KIF21A: variants seen among roughly 807,000 people sequenced by gnomAD.
The protein encoded by KIF21A is kinesin-like protein KIF21A.
A neutral mutation model predicts 202.9 loss-of-function variants in KIF21A; 114 were observed. That is an observed-to-expected ratio of 0.56 (90% CI 0.48 to 0.66). KIF21A has a LOEUF of 0.66. Among genes scored for constraint, KIF21A ranks in the 30% least tolerant of loss-of-function variants. The pLI is 0.00. For synonymous variants in KIF21A, 667 were observed against 670.8 expected (o/e 0.99, Z 0.09); for missense variants, 1,677 against 1,994.9 (o/e 0.84, Z 3.04).
At chr12:39,322,924 T>C (rs1302127355) in intron 26 of KIF21A, 42 bp from the exon 27 acceptor site, 1 of 1,314,960 alleles carries the variant, frequency 7.6e-7, no homozygotes, top group Non-Finnish European at 1.0e-6. Flanking sequence ...GAGCAAACTC[T>C]TGCATAGAAG....
At chr12:39,352,199 C>T (rs1388611525) in intron 10 of KIF21A, among the ~76,000 whole-genome samples, 1 of 152,006 alleles carries the variant, frequency 6.6e-6, no homozygotes, top group Non-Finnish European at 1.5e-5. Context: ...CCCCTCAGCC[C>T]CTCTACCTCA....
chr12:39,321,410 A>C (rs1221481498), intron 27 of KIF21A: 2 of 152,246 alleles, frequency 1.3e-5, no homozygotes, highest in Non-Finnish European at 2.9e-5. Flanking sequence ...CTCATCTGAC[A>C]GACTAAATAC....
intron 37 of KIF21A, among the ~76,000 whole-genome samples, chr12:39,295,413 T>G (rs1335066110): frequency 6.6e-6 from 1 of 152,144 alleles, no homozygotes; most frequent in African/African-American, 2.4e-5. Context: ...TCCATGGAAT[T>G]TAATAGTTAA....
At position 39,294,370 on chromosome 12, in the gene KIF21A, A is replaced by G. The variant is rs1223920492; in HGVS notation, c.*54T>C. Reference sequence around the variant, plus strand: ...TAAGTACAGGACAACATTTTCCATAAAGAATACAGAGTATTATCACAGCAT... The same window carrying G: ...TAAGTACAGGACAACATTTTCCATAGAGAATACAGAGTATTATCACAGCAT... On this transcript the variant is annotated 3_prime_UTR_variant, in exon 38 of 38. Transcript: ENST00000361418. 7 of 1,330,404 alleles carry G rather than the reference A, an allele frequency of 5.3e-6. No homozygotes were observed. In the Admixed American group the frequency reaches 1.2e-4, roughly 22 times the overall value. 82.4% of individuals were successfully genotyped at this position (1,330,404 alleles called of 1,614,324 possible). A position where few individuals can be genotyped will look rare whatever the true frequency, so the allele number is the denominator to read the frequency against.
At chr12:39,312,405 T>G (rs112103712) in intron 31 of KIF21A, 15,145 of 151,876 alleles carry the variant, frequency 0.1, 763 homozygotes, top group East Asian at 0.14. Context: ...GAGGTGGGGA[T>G]GTTTAATGGG....
intron 1 of KIF21A, among the ~76,000 whole-genome samples, chr12:39,419,482 T>A (rs1033023692): frequency 6.6e-6 from 1 of 152,214 alleles, no homozygotes; most frequent in Non-Finnish European, 1.5e-5. Context: ...TGACCAGTAA[T>A]GTTTACTATG....
At position 39,311,384 on chromosome 12, in the gene KIF21A, T is replaced by C. The variant is rs759782299; in HGVS notation, c.4096+33A>G. ...ATGTAATTTTTTTTAAAAAAAAAGC[T>C]ATTAAATATCTGCATTAGATAACTA... On this transcript the variant is annotated intron_variant, in intron 32 of 37. Transcript: ENST00000361418. The C allele has an allele frequency of 6.3e-6, 10 of 1,591,404 alleles. No homozygotes were observed. In the Admixed American group the frequency reaches 1.3e-4, roughly 21 times the overall value.
intron 7 of KIF21A, among the ~76,000 whole-genome samples, chr12:39,359,178 C>T (rs767058037): frequency 1.3e-5 from 2 of 152,058 alleles, no homozygotes; most frequent in Non-Finnish European, 1.5e-5. Flanking sequence ...TCTTTTCTTT[C>T]GACAATAATC....
chr12:39,379,327 A>T (rs1169369506), intron 1 of KIF21A, among the ~76,000 whole-genome samples: 3 of 71,580 alleles, frequency 4.2e-5, no homozygotes, highest in South Asian at 1.4e-3. Flanking sequence ...GACTCTGTCT[A>T]AAAAAAAAAA....
In KIF21A at chr12:39,325,864, C is replaced by T; in HGVS notation, c.3431G>A (p.Cys1144Tyr). The T allele has an allele frequency of 6.2e-7, 1 of 1,612,454 alleles. No individual in the cohort carries two copies. Residue 1144 changes from cysteine (C) to tyrosine (Y), a missense_variant, in exon 26 of 38, where the codon TGT becomes TAT. Cys to Tyr is a radical substitution (Grantham distance 194). Transcript: ENST00000361418. The part of the protein sequence containing the change: ...STLSSDLMKL[C>Y]GEVKPKNKAR... ...CTTGTTCTTAGGTTTCACTTCACCA[C>T]AAAGCTTCATGAGATCTGAAGACAG...
intron 1 of KIF21A, among the ~76,000 whole-genome samples, chr12:39,436,409 A>G (rs866420512): frequency 1.8e-4 from 21 of 118,740 alleles, no homozygotes; most frequent in African/African-American, 7.2e-4. Flanking sequence ...AATAATTATA[A>G]GGGTTTACTA....
intron 17 of KIF21A, among the ~76,000 whole-genome samples, chr12:39,336,072 G>T (rs1565834366): frequency 6.6e-6 from 1 of 152,014 alleles, no homozygotes; most frequent in Non-Finnish European, 1.5e-5. Context: ...CAATAATAAG[G>T]GAAAAAGTGA....
intron 1 of KIF21A, among the ~76,000 whole-genome samples, 171 bp from the exon 2 acceptor site, chr12:39,370,432 G>A (rs1296215104): frequency 6.6e-6 from 1 of 152,018 alleles, no homozygotes; most frequent in Non-Finnish European, 1.5e-5. Context: ...ATCAATTTCA[G>A]TACATGAGAT....
chr12:39,359,941 T>C (rs1271062188), intron 7 of KIF21A, among the ~76,000 whole-genome samples: 15 of 152,186 alleles, frequency 9.9e-5, no homozygotes, highest in Non-Finnish European at 2.1e-4. Flanking sequence ...CAAACTCCGA[T>C]GGTGAGTCAC....
chr12:39,351,181 G>C (rs1948344928), intron 11 of KIF21A, among the ~76,000 whole-genome samples: 1 of 152,024 alleles, frequency 6.6e-6, no homozygotes. Flanking sequence ...ATAGTATCAG[G>C]ATGCAAAGAA....
intron 8 of KIF21A, among the ~76,000 whole-genome samples, chr12:39,357,711 A>G (rs986784105): frequency 1.3e-5 from 2 of 151,760 alleles, no homozygotes; most frequent in Non-Finnish European, 2.9e-5. Flanking sequence ...GGAGTTCAAG[A>G]CCAGCCTGGC....
intron 28 of KIF21A, among the ~76,000 whole-genome samples, chr12:39,318,832 T>C (rs1050227033): frequency 8.5e-5 from 13 of 152,072 alleles, no homozygotes; most frequent in Admixed American, 5.2e-4. Flanking sequence ...TACAAAAAAA[T>C]TAGCCGGGCG....
At chr12:39,369,996 T>A (rs773451710) in intron 2 of KIF21A, 43 bp downstream of exon 2, 1 of 1,593,368 alleles carries the variant, frequency 6.3e-7, no homozygotes. Flanking sequence ...GAATTAACAT[T>A]TCTGAAAAGT....
chr12:39,390,627 C>T (rs1951278143), intron 1 of KIF21A, among the ~76,000 whole-genome samples: 1 of 151,958 alleles, frequency 6.6e-6, no homozygotes, highest in African/African-American at 2.4e-5. Context: ...GTCATATATA[C>T]ACTGTAATGT....
Sources: gnomAD v4.1 joint callset for allele counts (sites outside exome capture counted in the v4.1 genomes callset) on GRCh38, gnomAD v4.1.1 for gene constraint, MANE v1.5 for transcripts, NCBI Gene and HGNC (gene_info 2026-07-23, HGNC 2026-07-21) for gene names.